The following ENPP7 variants were observed in gnomAD, a reference collection of about 807,000 sequenced individuals.
The protein encoded by ENPP7 is ectonucleotide pyrophosphatase/phosphodiesterase family member 7.
In ENPP7, 39 loss-of-function variants were observed where a neutral mutation model predicts 33.6. The observed-to-expected ratio is 1.16, with a 90% CI of 0.90 to 1.52. The LOEUF is 1.52. ENPP7 is among the 40% of genes most tolerant of loss of function. The pLI is 0.00. For synonymous variants in ENPP7, 244 were observed against 274.3 expected, an observed-to-expected ratio of 0.89 and a Z score of 1.09; for missense variants, 594 against 641.0, an observed-to-expected ratio of 0.93 and a Z score of 0.79.
Position 79,737,081 on chromosome 17 carries a change from A to T in ENPP7, c.1067A>T (p.Asp356Val), listed in dbSNP as rs2094297173. 1 of 1,614,180 alleles carries T rather than the reference A, an allele frequency of 6.2e-7. No individual in the cohort carries two copies. Among genetic ancestry groups the T allele is most frequent in the East Asian group, 2.2e-5 (1 of 44,876 alleles). ...TTCAACAATGGGGAGCACGGCTTTG[A>T]CAACAAGGACATGGACATGAAGACC... ...VQFNNGEHGF[D>V]NKDMDMKTIF... The change falls in exon 4 of 6, where the codon GAC becomes GTC. Residue 356 changes from aspartate to valine, a missense_variant. Around this residue, in one of 3 missense-constraint regions of ENPP7, gnomAD observed 504 missense variants for 512.8 expected, o/e 0.98. Transcript: ENST00000328313. The surrounding 1 kb of genome is among the most constrained non-coding windows in gnomAD (Gnocchi z 5.5).
intron 1 of ENPP7, among the ~76,000 whole-genome samples, chr17:79,732,121 C>CATATATACACATATATATATAT (rs2094286802): frequency 4.1e-5 from 2 of 48,780 alleles, no homozygotes; most frequent in Non-Finnish European, 7.8e-5. Flanking sequence ...TATATATATA[C>CATATATACACATATATATATAT]ATATATATAT....
intron 3 of ENPP7, among the ~76,000 whole-genome samples, chr17:79,736,432 G>A (rs2094295854): frequency 1.3e-5 from 2 of 152,176 alleles, no homozygotes; most frequent in Admixed American, 6.5e-5. Flanking sequence ...TCACTATGCG[G>A]TAGGGTGTGT....
At position 79,733,554 on chromosome 17, in the gene ENPP7, C is replaced by T; in HGVS notation, c.300C>T (p.Asn100=). 1 of 1,613,578 alleles carries T rather than the reference C, an allele frequency of 6.2e-7. No homozygotes were observed. Among genetic ancestry groups the T allele is most frequent in the Non-Finnish European group, 8.5e-7 (1 of 1,179,980 alleles). Residue 100 remains asparagine, a synonymous_variant, in exon 2 of 6, where the codon AAC becomes AAT. Coordinates refer to ENST00000328313, the MANE Select transcript of ENPP7 (RefSeq NM_178543.5). ...GGGTGGTTCACAACATGTACTACAACACCACCAGCAAGGTGAAGCTGCCCT... is the reference window on the plus strand; with the variant it reads ...GGGTGGTTCACAACATGTACTACAATACCACCAGCAAGGTGAAGCTGCCCT... ...NHGVVHNMYY[N]TTSKVKLPYH...
chr17:79,739,488 C>G lies in ENPP7; in HGVS notation c.*16+1426C>G, dbSNP rs542080518. ...CTGCAATGTGCACAGATTCCAAATACCTTTAAGAGGCACGACATTCGAGGT... is the reference window on the plus strand; with the variant it reads ...CTGCAATGTGCACAGATTCCAAATAGCTTTAAGAGGCACGACATTCGAGGT... On this transcript the variant is annotated intron_variant, in intron 5 of 5. Transcript: ENST00000328313. The surrounding 1 kb of genome is among the most constrained non-coding windows in gnomAD (Gnocchi z 4.4). The G allele has an allele frequency of 6.6e-6, 1 of 152,268 alleles. No individual in the cohort carries two copies. The highest frequency in any genetic ancestry group is 1.5e-5 in the Non-Finnish European group (1 of 68,096). The allele number at this position is 152,268 out of a possible 1,614,324, so 9.4% of individuals were successfully genotyped here.
rs149510774 is a variant in ENPP7, at chr17:79,735,318, C to T, written c.675C>T (p.Tyr225=). ...GGCAGGTGGACCGGACCGTGGGCTACCTCCGGGAGAGCATCGCGCGCAACC... is the reference window on the plus strand; with the variant it reads ...GGCAGGTGGACCGGACCGTGGGCTATCTCCGGGAGAGCATCGCGCGCAACC... ...MVRQVDRTVG[Y]LRESIARNHL... Residue 225 remains tyrosine, a synonymous_variant, in exon 3 of 6, where the codon TAC becomes TAT. Coordinates refer to ENST00000328313, the MANE Select transcript of ENPP7 (RefSeq NM_178543.5). This position sits in a 1 kb window ranked among gnomAD's most constrained non-coding sequence, Gnocchi z 5.5. 108 of 1,613,434 alleles carry T rather than the reference C, an allele frequency of 6.7e-5. No homozygotes were observed. The African/African-American group carries it at 1.3e-3, about 19-fold the overall frequency.
Position 79,741,900 on chromosome 17 carries a change from G to C in ENPP7, c.*123G>C. ...CCCAGCTTATCCCAGGCCAGAGGCTGCATGCCACTGTCCCCGGCAGCGCCA... is the reference window on the plus strand; with the variant it reads ...CCCAGCTTATCCCAGGCCAGAGGCTCCATGCCACTGTCCCCGGCAGCGCCA... On this transcript the variant is annotated 3_prime_UTR_variant, in exon 6 of 6. Coordinates refer to ENST00000328313, the MANE Select transcript of ENPP7 (RefSeq NM_178543.5). The C allele has an allele frequency of 9.1e-6, 9 of 985,614 alleles. No homozygotes were observed. The highest frequency in any genetic ancestry group is 1.1e-5 in the Non-Finnish European group (9 of 830,100). 61.1% of individuals were successfully genotyped at this position (985,614 alleles called of 1,614,324 possible). A position where few individuals can be genotyped will look rare whatever the true frequency, so the allele number is the denominator to read the frequency against.
chr17:79,736,936 C>T lies in ENPP7; in HGVS notation c.1027-105C>T, dbSNP rs74480328. On this transcript the variant is annotated intron_variant, in intron 3 of 5. Transcript: ENST00000328313. ...AGTCTTGGAACCCCTCCAGCCCTCA[C>T]GTTGGTGCTCCTTCCTAAGGGGGTG... 201 of 872,392 alleles carry T rather than the reference C, an allele frequency of 2.3e-4. 1 individual carries two copies. The East Asian group carries it at 4.9e-3, about 21-fold the overall frequency. The allele number at this position is 872,392 out of a possible 1,614,324, so 54.0% of individuals were successfully genotyped here.
At chr17:79,734,882 A>G (rs1289776678) in intron 2 of ENPP7, among the ~76,000 whole-genome samples, 161 bp from the exon 3 acceptor site, 7 of 152,176 alleles carry the variant, frequency 4.6e-5, no homozygotes, top group African/African-American at 1.4e-4. Flanking sequence ...ACATGAGATC[A>G]GGGATGTTTT....
At chr17:79,733,776 G>A in intron 2 of ENPP7, 123 bp downstream of exon 2, 1 of 1,033,838 alleles carries the variant, frequency 9.7e-7, no homozygotes, top group Non-Finnish European at 1.4e-6. Context: ...CGGGGCTCCT[G>A]GCCTACCCTG....
chr17:79,732,153 C>CATATATATATAT (rs2094287791), intron 1 of ENPP7, among the ~76,000 whole-genome samples: 1 of 73,742 alleles, frequency 1.4e-5, no homozygotes, highest in Non-Finnish European at 3.0e-5. Flanking sequence ...TATATATACA[C>CATATATATATAT]ACACATATAT....
At chr17:79,736,818 C>T in intron 3 of ENPP7, among the ~76,000 whole-genome samples, 1 of 152,236 alleles carries the variant, frequency 6.6e-6, no homozygotes, top group East Asian at 1.9e-4. Flanking sequence ...CCCATTTACT[C>T]AGGGTCTGGT....
In ENPP7 at chr17:79,738,337, A is replaced by T; in HGVS notation, c.*16+275A>T. On this transcript the variant is annotated intron_variant, in intron 5 of 5. Transcript: ENST00000328313. This position sits in a 1 kb window ranked among gnomAD's most constrained non-coding sequence, Gnocchi z 6.2. ...ATTCCCACCCTCCCCCAAAAGCCAG[A>T]ACTCCCTCAGCCTCTGGCCAGAGCT... 1 of 387,178 alleles carries T rather than the reference A, an allele frequency of 2.6e-6. No homozygotes were observed. Among genetic ancestry groups the T allele is most frequent in the Non-Finnish European group, 4.8e-6 (1 of 207,658 alleles). The allele number at this position is 387,178 out of a possible 1,614,324, so 24.0% of individuals were successfully genotyped here.
intron 5 of ENPP7, among the ~76,000 whole-genome samples, chr17:79,740,483 G>A (rs2094303311): frequency 6.6e-6 from 1 of 152,128 alleles, no homozygotes; most frequent in African/African-American, 2.4e-5. Flanking sequence ...TGTGCTCAGG[G>A]GCTTGGGTCC....
chr17:79,737,809 G>A lies in ENPP7; in HGVS notation c.1247-107G>A, dbSNP rs1555823926. 1.6e-6 allele frequency: 2 copies of A among 1,255,204 alleles called. No homozygotes were observed. The highest frequency in any genetic ancestry group is 2.3e-6 in the Non-Finnish European group (2 of 879,024). The allele number at this position is 1,255,204 out of a possible 1,614,324, so 77.8% of individuals were successfully genotyped here. ...ATGGGACCAAGGGGGCGGTGAAAGAGGAAGGAGGGGCTCGTGGGGACCAAC... is the reference window on the plus strand; with the variant it reads ...ATGGGACCAAGGGGGCGGTGAAAGAAGAAGGAGGGGCTCGTGGGGACCAAC... On this transcript the variant is annotated intron_variant, in intron 4 of 5. Transcript: ENST00000328313. The surrounding 1 kb of genome is among the most constrained non-coding windows in gnomAD (Gnocchi z 5.5).
In ENPP7 at chr17:79,738,108, C is replaced by G; in HGVS notation, c.*16+46C>G. 6.3e-7 allele frequency: 1 copy of G among 1,581,540 alleles called. No homozygotes were observed. The highest frequency in any genetic ancestry group is 2.2e-5 in the East Asian group (1 of 44,562). On this transcript the variant is annotated intron_variant, in intron 5 of 5. Coordinates refer to ENST00000328313, the MANE Select transcript of ENPP7 (RefSeq NM_178543.5). This position sits in a 1 kb window ranked among gnomAD's most constrained non-coding sequence, Gnocchi z 6.2. ...AGGCGGGAGGGTGGCCCCACGCTCC[C>G]TGACCCTCCACCCTGATGTCCCAGC...
At position 79,737,449 on chromosome 17, in the gene ENPP7, G is replaced by A. The variant is rs1425348275; in HGVS notation, c.1246+189G>A. On this transcript the variant is annotated intron_variant, in intron 4 of 5. Coordinates refer to ENST00000328313, the MANE Select transcript of ENPP7 (RefSeq NM_178543.5). This position sits in a 1 kb window ranked among gnomAD's most constrained non-coding sequence, Gnocchi z 5.5. Reference sequence around the variant, plus strand: ...CTCTCACGAGCACCTCATGCATCTCGGGCGGCACGAGAGGGCGAGGGGGAG... The same window carrying A: ...CTCTCACGAGCACCTCATGCATCTCAGGCGGCACGAGAGGGCGAGGGGGAG... Among the ~76,000 whole-genome samples the A allele has an allele frequency of 1.3e-5, 2 of 152,186 alleles. No homozygotes were observed. Among genetic ancestry groups the A allele is most frequent in the African/African-American group, 2.4e-5 (1 of 41,444 alleles).
rs782659227 is a variant in ENPP7, at chr17:79,737,307, G to T, written c.1246+47G>T. The T allele has an allele frequency of 4.1e-6, 6 of 1,479,282 alleles. No individual in the cohort carries two copies. The highest frequency in any genetic ancestry group is 5.5e-6 in the Non-Finnish European group (6 of 1,093,096). 91.6% of individuals were successfully genotyped at this position (1,479,282 alleles called of 1,614,324 possible). On this transcript the variant is annotated intron_variant, in intron 4 of 5. Coordinates refer to ENST00000328313, the MANE Select transcript of ENPP7 (RefSeq NM_178543.5). This position sits in a 1 kb window ranked among gnomAD's most constrained non-coding sequence, Gnocchi z 5.5. ...TCCCCGCCTGCTCTGGTGTGTACAC[G>T]TGTGCACACGAGGGTGCCTGCATGC...
Position 79,739,104 on chromosome 17 carries a change from T to C in ENPP7, c.*16+1042T>C, listed in dbSNP as rs1555824171. 6.6e-6 allele frequency: 1 copy of C among 152,324 alleles called. No homozygotes were observed. Among genetic ancestry groups the C allele is most frequent in the East Asian group, 1.9e-4 (1 of 5,192 alleles). The allele number at this position is 152,324 out of a possible 1,614,324, so 9.4% of individuals were successfully genotyped here. A position where few individuals can be genotyped will look rare whatever the true frequency, so the allele number is the denominator to read the frequency against. On this transcript the variant is annotated intron_variant, in intron 5 of 5. Coordinates refer to ENST00000328313, the MANE Select transcript of ENPP7 (RefSeq NM_178543.5). The surrounding 1 kb of genome is among the most constrained non-coding windows in gnomAD (Gnocchi z 4.4). ...AATGGCCTCTCTGAGAAGGTGGATT[T>C]AGGGAGAAAACCAGAATGACAGACA...
Position 79,737,385 on chromosome 17 carries a change from G to A in ENPP7, c.1246+125G>A. 1 of 720,044 alleles carries A rather than the reference G, an allele frequency of 1.4e-6. No individual in the cohort carries two copies. Among genetic ancestry groups the A allele is most frequent in the Non-Finnish European group, 2.3e-6 (1 of 425,694 alleles). The allele number at this position is 720,044 out of a possible 1,614,324, so 44.6% of individuals were successfully genotyped here. On this transcript the variant is annotated intron_variant, in intron 4 of 5. Transcript: ENST00000328313. This position sits in a 1 kb window ranked among gnomAD's most constrained non-coding sequence, Gnocchi z 5.5. ...AGTGGGGCCACCTCCCCTGGCTTTG[G>A]AGAACACCAGAATCTCTCACATTCC...
Sources: gnomAD v4.1 joint callset for allele counts (sites outside exome capture counted in the v4.1 genomes callset) on GRCh38, gnomAD v4.1.1 for gene constraint, gnomAD v4.1.1 regional missense constraint, Gnocchi (gnomAD v3.1) non-coding constraint, MANE v1.5 for transcripts, NCBI Gene and HGNC (gene_info 2026-07-23, HGNC 2026-07-21) for gene names.